The following MEI1 variants were observed in gnomAD, a reference collection of about 807,000 sequenced individuals.
The protein encoded by MEI1 is meiosis inhibitor protein 1.
Under a neutral mutation model 146.2 loss-of-function variants are expected in MEI1, and 103 were observed. The ratio of observed to expected loss-of-function variants is 0.70; its 90% CI spans 0.60 to 0.83. The LOEUF (loss-of-function observed/expected upper bound fraction) is 0.83, where lower values mean the gene tolerates loss of function less well. MEI1 is among the 40% of genes least tolerant of loss of function. The probability of loss-of-function intolerance (pLI) is 0.00; values close to 1 mark genes in which losing one functional copy is unlikely to be tolerated. For synonymous variants in MEI1, 652 were observed against 628.2 expected, an observed-to-expected ratio of 1.04 and a Z score of -0.57; for missense variants, 1,529 against 1,533.0, an observed-to-expected ratio of 1.00 and a Z score of 0.04.
chr22:41,777,901 TCC>T (rs2075544464), intron 21 of MEI1, among the ~76,000 whole-genome samples: 1 of 151,418 alleles, frequency 6.6e-6, no homozygotes, highest in Non-Finnish European at 1.5e-5. Flanking sequence ...TCCTTCTTTC[TCC>T]TTCATCTTCT....
chr22:41,712,284 G>C (rs1355362827), intron 3 of MEI1, among the ~76,000 whole-genome samples: 2 of 150,482 alleles, frequency 1.3e-5, no homozygotes, highest in Non-Finnish European at 3.0e-5. Context: ...GCCCAGGCTG[G>C]AGTGCAGTGG....
chr22:41,784,450 A>C, intron 25 of MEI1, 30 bp downstream of exon 25: 1 of 1,612,510 alleles, frequency 6.2e-7, no homozygotes, highest in South Asian at 1.1e-5. Context: ...CAGCAGAAGA[A>C]AAGCTTTTTC....
intron 9 of MEI1, among the ~76,000 whole-genome samples, 197 bp downstream of exon 9, chr22:41,730,834 G>A (rs1003292336): frequency 2.0e-5 from 3 of 152,080 alleles, no homozygotes; most frequent in African/African-American, 4.8e-5. Context: ...GCTGATTATC[G>A]GAAGTATATA....
intron 4 of MEI1, among the ~76,000 whole-genome samples, chr22:41,714,637 G>C (rs977672797): frequency 1.3e-5 from 2 of 151,994 alleles, no homozygotes; most frequent in Admixed American, 6.6e-5. Context: ...TTGGGAGGCT[G>C]AGGTGGGTGG....
At chr22:41,705,684 C>G in intron 3 of MEI1, 130 bp downstream of exon 3, 6 of 679,778 alleles carry the variant, frequency 8.8e-6, no homozygotes, top group Non-Finnish European at 1.6e-5. Flanking sequence ...AGTTTTCAAT[C>G]ACTAATTCAA....
chr22:41,731,008 T>C (rs1225131565), intron 9 of MEI1, among the ~76,000 whole-genome samples: 1 of 152,040 alleles, frequency 6.6e-6, no homozygotes, highest in Admixed American at 6.6e-5. Context: ...TTTGCTAATT[T>C]ATTCTTTCAA....
At chr22:41,775,248 C>T (rs1491000256) in intron 20 of MEI1, among the ~76,000 whole-genome samples, 6 of 152,322 alleles carry the variant, frequency 3.9e-5, no homozygotes, top group Non-Finnish European at 8.8e-5. Context: ...GCAGAGATAA[C>T]CAGATGCCTT....
intron 26 of MEI1, among the ~76,000 whole-genome samples, chr22:41,787,890 T>G (rs1359494315): frequency 1.3e-5 from 2 of 152,206 alleles, no homozygotes; most frequent in African/African-American, 2.4e-5. Context: ...TATTAGCAGT[T>G]GAGCATTCCT....
At chr22:41,718,910 T>C (rs1042616084) in intron 6 of MEI1, among the ~76,000 whole-genome samples, 14 of 151,888 alleles carry the variant, frequency 9.2e-5, no homozygotes, top group African/African-American at 3.4e-4. Flanking sequence ...CCTTGCTCTG[T>C]TGCCCAGCTT....
Position 41,699,661 on chromosome 22 carries a change from C to T in MEI1, c.123C>T (p.Pro41=), listed in dbSNP as rs1229221290. 1 of 1,591,744 alleles carries T rather than the reference C, an allele frequency of 6.3e-7. No individual in the cohort carries two copies. Among genetic ancestry groups the T allele is most frequent in the Non-Finnish European group, 8.6e-7 (1 of 1,169,478 alleles). Residue 41 remains proline, a synonymous_variant, in exon 1 of 31, where the codon CCC becomes CCT. Transcript: ENST00000401548. The stretch of plus-strand genomic sequence containing the variant: ...CGCGCTGGCTGCTGCCCGTGACCCC[C>T]CGCCTGTGCCTGGCCTGCGCGCTGG... ...HDPRWLLPVT[P]RLCLACALEL...
intron 13 of MEI1, among the ~76,000 whole-genome samples, chr22:41,745,623 G>A (rs2073226364): frequency 6.6e-6 from 1 of 152,096 alleles, no homozygotes; most frequent in Non-Finnish European, 1.5e-5. Flanking sequence ...ATAGCAAATA[G>A]CATGGCATAT....
chr22:41,725,477 C>T (rs1319999140), intron 7 of MEI1, among the ~76,000 whole-genome samples: 1 of 152,180 alleles, frequency 6.6e-6, no homozygotes. Context: ...ATACTTACAG[C>T]AATAGAAACA....
Position 41,795,804 on chromosome 22 carries a change from C to A in MEI1, c.3736C>A (p.Pro1246Thr), listed in dbSNP as rs1271597054. ...QTLQASLEGLPPSTSSGQPPL... is the reference protein window; with the variant it reads ...QTLQASLEGLTPSTSSGQPPL... ...CCTGCAGGCCTCCTTGGAGGGCCTT[C>A]CCCCTAGCACCTCCTCAGGCCAGCC... Residue 1246 changes from proline (P) to threonine (T), a missense_variant, in exon 30 of 31, where the codon CCC becomes ACC. Pro to Thr is a conservative substitution (Grantham distance 38). Coordinates refer to ENST00000401548, the MANE Select transcript of MEI1 (RefSeq NM_152513.4). The surrounding 1 kb of genome is among the most constrained non-coding windows in gnomAD (Gnocchi z 4.2). The A allele has an allele frequency of 6.2e-7, 1 of 1,613,656 alleles. No individual in the cohort carries two copies. Among genetic ancestry groups the A allele is most frequent in the South Asian group, 1.1e-5 (1 of 91,086 alleles).
intron 1 of MEI1, among the ~76,000 whole-genome samples, chr22:41,700,908 T>G: frequency 6.6e-6 from 1 of 151,474 alleles, no homozygotes. Context: ...CGTGCCTGGC[T>G]GCGTTCTCAA....
chr22:41,717,074 A>C (rs1365058386), intron 5 of MEI1, among the ~76,000 whole-genome samples: 3 of 148,494 alleles, frequency 2.0e-5, no homozygotes, highest in African/African-American at 5.3e-5. Flanking sequence ...ATATAGAAGC[A>C]CTTTTTTCTG....
rs917982258 is a variant in MEI1 at position 41,799,400 on chromosome 22, G to A, written c.*101G>A. On this transcript the variant is annotated 3_prime_UTR_variant, in exon 31 of 31. Transcript: ENST00000401548. ...GATGACAGCTGAAGCTATTCATATG[G>A]AGCCATATACTCTATTGTTGAAATA... is the stretch of plus-strand genomic sequence containing the variant. The A allele has an allele frequency of 4.5e-6, 5 of 1,120,090 alleles. No individual in the cohort carries two copies. The African/African-American group carries it at 4.6e-5, about 10-fold the overall frequency. 69.4% of individuals were successfully genotyped at this position (1,120,090 alleles called of 1,614,324 possible). A position where few individuals can be genotyped will look rare whatever the true frequency, so the allele number is the denominator to read the frequency against.
chr22:41,768,813 A>G (rs2075009336), intron 19 of MEI1, among the ~76,000 whole-genome samples: 1 of 152,218 alleles, frequency 6.6e-6, no homozygotes, highest in East Asian at 1.9e-4. Flanking sequence ...CTCCTCCTCC[A>G]ACACTGAGGA....
At chr22:41,703,200 G>A (rs1601613766) in intron 1 of MEI1, 131 bp from the exon 2 acceptor site, 1 of 934,422 alleles carries the variant, frequency 1.1e-6, no homozygotes, top group African/African-American at 1.6e-5. Context: ...TCCCTTGAAG[G>A]AGTATGGATC....
At chr22:41,736,602 C>T (rs1450068207) in intron 11 of MEI1, among the ~76,000 whole-genome samples, 1 of 151,878 alleles carries the variant, frequency 6.6e-6, no homozygotes, top group Non-Finnish European at 1.5e-5. Flanking sequence ...GCTATATTCC[C>T]CAGGCTGGTC....
Sources: gnomAD v4.1 joint callset for allele counts (sites outside exome capture counted in the v4.1 genomes callset) on GRCh38, gnomAD v4.1.1 for gene constraint, Gnocchi (gnomAD v3.1) non-coding constraint, MANE v1.5 for transcripts, NCBI Gene and HGNC (gene_info 2026-07-23, HGNC 2026-07-21) for gene names.